Variants in C3orf20 observed in about 807,000 individuals in gnomAD.
The protein encoded by C3orf20 is family with sequence similarity 149 member C, also known as uncharacterized protein C3orf20.
Under a neutral mutation model 88.3 loss-of-function variants are expected in C3orf20, and 76 were observed. The observed-to-expected ratio is 0.86, with a 90% confidence interval of 0.72 to 1.04. C3orf20 has a LOEUF of 1.04. C3orf20 is among the 50% of genes least tolerant of loss of function. The probability of loss-of-function intolerance (pLI) is 0.00; values close to 1 mark genes in which losing one functional copy is unlikely to be tolerated. For synonymous variants in C3orf20, 436 were observed against 437.4 expected (o/e 1.00, Z 0.04); for missense variants, 1,056 against 1,123.3 (o/e 0.94, Z 0.86).
intron 1 of C3orf20, among the ~76,000 whole-genome samples, chr3:14,681,015 C>T (rs1234746487): frequency 6.6e-6 from 1 of 152,242 alleles, no homozygotes; most frequent in Non-Finnish European, 1.5e-5. Flanking sequence ...CAGCAGGATG[C>T]TGGAAGGGTT....
rs1321092572 is a variant in C3orf20, at chr3:14,721,748, C to A, written c.1530C>A (p.Ala510=). Residue 510 remains alanine, a synonymous_variant, in exon 10 of 17, where the codon GCC becomes GCA. Coordinates refer to ENST00000253697, the MANE Select transcript of C3orf20 (RefSeq NM_032137.5). ...AGACAGTAACACTCACTGTGTCGGC[C>A]AACAATTGTCCCCATGGAATGGCAT... The part of the protein sequence containing the change: ...LNETVTLTVS[A]NNCPHGMAYD... 4.3e-6 allele frequency: 7 copies of A among 1,614,050 alleles called. No individual in the cohort carries two copies. In the Admixed American group the frequency reaches 1.2e-4, roughly 27 times the overall value.
chr3:14,757,074 T>A (rs143044969), intron 12 of C3orf20, among the ~76,000 whole-genome samples: 2 of 152,268 alleles, frequency 1.3e-5, no homozygotes, highest in East Asian at 3.9e-4. Flanking sequence ...ACAAGCTTGC[T>A]GACAAGATTA....
At chr3:14,722,737 C>T (rs2034211398) in intron 10 of C3orf20, among the ~76,000 whole-genome samples, 1 of 152,190 alleles carries the variant, frequency 6.6e-6, no homozygotes, top group African/African-American at 2.4e-5. Context: ...TAAATCTTTA[C>T]CAAATATTTT....
chr3:14,751,190 C>G (rs935857220), intron 12 of C3orf20, among the ~76,000 whole-genome samples: 4 of 152,118 alleles, frequency 2.6e-5, no homozygotes, highest in African/African-American at 7.2e-5. Flanking sequence ...AGATATTGTT[C>G]TCCTGGTTTC....
chr3:14,693,641 G>T (rs2032836395), intron 5 of C3orf20, among the ~76,000 whole-genome samples: 1 of 152,092 alleles, frequency 6.6e-6, no homozygotes, highest in Admixed American at 6.5e-5. Context: ...TGCAAACAAG[G>T]ATAGTTTGAC....
intron 5 of C3orf20, among the ~76,000 whole-genome samples, chr3:14,700,334 C>T (rs58495779): frequency 0.016 from 2,422 of 152,300 alleles, 52 homozygotes; most frequent in African/African-American, 0.055. Context: ...TCTTTCCCCA[C>T]TCCTCCACCT....
chr3:14,746,213 G>A (rs1207005185), intron 12 of C3orf20, among the ~76,000 whole-genome samples: 1 of 152,176 alleles, frequency 6.6e-6, no homozygotes, highest in African/African-American at 2.4e-5. Flanking sequence ...GGAAAGTTGG[G>A]GGTTTTACTA....
At chr3:14,687,208 AAAG>A (rs1257822060) in intron 4 of C3orf20, among the ~76,000 whole-genome samples, 1 of 152,258 alleles carries the variant, frequency 6.6e-6, no homozygotes, top group Non-Finnish European at 1.5e-5. Context: ...ATTCAGGAAG[AAAG>A]AAACCATACT....
intron 15 of C3orf20, among the ~76,000 whole-genome samples, chr3:14,764,544 G>A (rs1025724317): frequency 4.0e-5 from 6 of 149,962 alleles, no homozygotes; most frequent in African/African-American, 1.0e-4. Context: ...GTTATTCTCT[G>A]TCATGGTCCT....
intron 5 of C3orf20, among the ~76,000 whole-genome samples, chr3:14,698,307 A>G (rs1048191754): frequency 1.3e-5 from 2 of 152,208 alleles, no homozygotes; most frequent in Admixed American, 6.5e-5. Flanking sequence ...TTGTGAAATC[A>G]TGTCTTCCTG....
chr3:14,749,807 GTAAC>G (rs2125020304), intron 12 of C3orf20, among the ~76,000 whole-genome samples: 1 of 151,244 alleles, frequency 6.6e-6, no homozygotes, highest in Non-Finnish European at 1.5e-5. Flanking sequence ...TCTTAAATGT[GTAAC>G]AATCTAGTTT....
intron 5 of C3orf20, among the ~76,000 whole-genome samples, chr3:14,692,507 C>A (rs766811823): frequency 6.6e-6 from 1 of 152,160 alleles, no homozygotes; most frequent in Non-Finnish European, 1.5e-5. Context: ...TGATGTTGGG[C>A]ACCTTTTCAT....
chr3:14,756,857 G>A (rs745953802), intron 12 of C3orf20, among the ~76,000 whole-genome samples: 3 of 152,356 alleles, frequency 2.0e-5, no homozygotes, highest in Non-Finnish European at 4.4e-5. Flanking sequence ...GGGTTTTGAA[G>A]AGAGTAGTGA....
At chr3:14,739,278 T>A (rs2034828735) in intron 12 of C3orf20, among the ~76,000 whole-genome samples, 1 of 152,222 alleles carries the variant, frequency 6.6e-6, no homozygotes, top group Non-Finnish European at 1.5e-5. Flanking sequence ...GCTATATTAG[T>A]AGGCATAAAA....
rs1407270508 is a variant in C3orf20, at chr3:14,704,521, G to A, written c.1063G>A (p.Ala355Thr). The A allele has an allele frequency of 2.5e-6, 4 of 1,614,044 alleles. No homozygotes were observed. The highest frequency in any genetic ancestry group is 2.2e-5 in the East Asian group (1 of 44,884). Residue 355 changes from alanine (A) to threonine (T), a missense_variant, in exon 7 of 17, where the codon GCC becomes ACC. Ala to Thr is a moderately conservative substitution (Grantham distance 58). Coordinates refer to ENST00000253697, the MANE Select transcript of C3orf20 (RefSeq NM_032137.5). ...CAGCCCCACCTCTCACCCATCTTCT[G>A]CCAACCATCATTTCAGTCAGCATTG... is the stretch of plus-strand genomic sequence containing the variant. ...TLSPTSHPSS[A>T]NHHFSQHCQE...
Position 14,761,639 on chromosome 3 carries a change from G to A in C3orf20, c.2495+24G>A, listed in dbSNP as rs377505957. The A allele has an allele frequency of 6.8e-6, 11 of 1,613,176 alleles. No individual in the cohort carries two copies. In the African/African-American group the frequency reaches 1.1e-4, roughly 16 times the overall value. On this transcript the variant is annotated intron_variant, in intron 15 of 16. Transcript: ENST00000253697. ...AGGTAAAACAGGAAACACGCAGGAT[G>A]AGGGATGGGCCTGGGGAGGTATGGA...
At chr3:14,733,343 A>G (rs2034600360) in intron 12 of C3orf20, among the ~76,000 whole-genome samples, 1 of 152,006 alleles carries the variant, frequency 6.6e-6, no homozygotes, top group African/African-American at 2.4e-5. Context: ...GTTATGATAT[A>G]TTTCCTTTTT....
At chr3:14,770,241 G>A (rs139164202) in intron 15 of C3orf20, among the ~76,000 whole-genome samples, 143 of 152,314 alleles carry the variant, frequency 9.4e-4, no homozygotes, top group Non-Finnish European at 1.5e-3. Context: ...TTAGTTTAGT[G>A]TGTGTGCTCC....
chr3:14,718,488 G>GT (rs2034021937), intron 9 of C3orf20, among the ~76,000 whole-genome samples: 1 of 152,074 alleles, frequency 6.6e-6, no homozygotes, highest in South Asian at 2.1e-4. Context: ...TTAAATTAGT[G>GT]TTTTAATGTC....
Sources: gnomAD v4.1 joint callset for allele counts (sites outside exome capture counted in the v4.1 genomes callset) on GRCh38, gnomAD v4.1.1 for gene constraint, MANE v1.5 for transcripts, NCBI Gene and HGNC (gene_info 2026-07-23, HGNC 2026-07-21) for gene names.